Variants in NPNT observed in about 807,000 individuals in gnomAD.
NPNT encodes the protein preosteoblast EGF-like repeat protein with MAM domain.
NPNT carries 45 observed loss-of-function variants against 68.6 expected under a neutral mutation model. The observed-to-expected ratio is 0.66, with a 90% CI of 0.52 to 0.84. The LOEUF (loss-of-function observed/expected upper bound fraction) is 0.84. Among genes scored for constraint, NPNT ranks in the 40% least tolerant of loss-of-function variants. The pLI, the probability that NPNT is intolerant of heterozygous loss-of-function variation, is 0.00. For missense variants in NPNT, 672 were observed against 714.8 expected (o/e 0.94, Z 0.68); for synonymous variants, 233 against 253.3 (o/e 0.92, Z 0.76).
At chr4:105,900,410 A>G (rs1278754277) in intron 2 of NPNT, among the ~76,000 whole-genome samples, 1 of 152,160 alleles carries the variant, frequency 6.6e-6, no homozygotes, top group Non-Finnish European at 1.5e-5. Flanking sequence ...CCCTTTGGTG[A>G]GTGTTTATTC....
rs377507732 is a variant in NPNT at position 105,938,764 on chromosome 4, A to G, written c.505+344A>G. On this transcript the variant is annotated intron_variant, in intron 5 of 11. Transcript: ENST00000379987. Reference sequence around the variant, plus strand: ...CAATGAGTGATGAAGCTGAATAGCTAGATTGTATGTGTTGTTCTTCAGGCC... The same window carrying G: ...CAATGAGTGATGAAGCTGAATAGCTGGATTGTATGTGTTGTTCTTCAGGCC... 1.1e-4 allele frequency among the ~76,000 whole-genome samples: 17 copies of G among 152,332 alleles called. 1 individual carries two copies. The South Asian group carries it at 3.5e-3, about 32-fold the overall frequency.
intron 10 of NPNT, among the ~76,000 whole-genome samples, chr4:105,964,907 T>C (rs1253890135): frequency 6.6e-6 from 1 of 152,196 alleles, no homozygotes; most frequent in Non-Finnish European, 1.5e-5. Context: ...CATAGAAAAA[T>C]GGTTATACAA....
At chr4:105,961,027 A>G (rs1215462831) in intron 10 of NPNT, among the ~76,000 whole-genome samples, 1 of 152,122 alleles carries the variant, frequency 6.6e-6, no homozygotes, top group Non-Finnish European at 1.5e-5. Flanking sequence ...TATTGTGAAA[A>G]GTTGATCATG....
At chr4:105,943,059 T>C (rs189968835) in intron 8 of NPNT, among the ~76,000 whole-genome samples, 7 of 152,366 alleles carry the variant, frequency 4.6e-5, no homozygotes, top group Admixed American at 2.6e-4. Context: ...ATTCAGTCAG[T>C]GAACATTTTT....
chr4:105,899,986 TA>T (rs1464979163), intron 2 of NPNT, among the ~76,000 whole-genome samples: 2 of 152,240 alleles, frequency 1.3e-5, no homozygotes, highest in African/African-American at 4.8e-5. Flanking sequence ...TTGATTATTT[TA>T]AAGAAAGTCT....
chr4:105,954,910 T>C (rs1731098920), intron 8 of NPNT, among the ~76,000 whole-genome samples: 1 of 152,164 alleles, frequency 6.6e-6, no homozygotes, highest in African/African-American at 2.4e-5. Flanking sequence ...TGCCTTCACT[T>C]CTAGAATGTA....
At chr4:105,935,206 T>C (rs1729410219) in intron 3 of NPNT, among the ~76,000 whole-genome samples, 1 of 152,204 alleles carries the variant, frequency 6.6e-6, no homozygotes, top group Non-Finnish European at 1.5e-5. Context: ...GATATAGGTT[T>C]TGATTTTACT....
rs1725740882 is a variant in NPNT at position 105,895,521 on chromosome 4, G to C, written c.-132G>C. ...CGCCTCGCCGCTGTCCTCCGGGAGC[G>C]GCAGCAGTAGCCCGGGCGGCGAGGG... is the stretch of plus-strand genomic sequence containing the variant. On this transcript the variant is annotated 5_prime_UTR_variant, in exon 1 of 12. Coordinates refer to ENST00000379987, the MANE Select transcript of NPNT (RefSeq NM_001033047.3). 4.2e-6 allele frequency: 3 copies of C among 706,428 alleles called. No homozygotes were observed. Among genetic ancestry groups the C allele is most frequent in the East Asian group, 3.0e-5 (1 of 33,452 alleles). 43.8% of individuals were successfully genotyped at this position (706,428 alleles called of 1,614,324 possible). A position where few individuals can be genotyped will look rare whatever the true frequency, so the allele number is the denominator to read the frequency against.
chr4:105,940,478 T>G (rs1238791116), intron 6 of NPNT, 36 bp from the exon 7 acceptor site: 2 of 1,589,008 alleles, frequency 1.3e-6, no homozygotes, highest in Non-Finnish European at 1.7e-6. Flanking sequence ...ATTTATCTCC[T>G]AAATAAGTCT....
chr4:105,949,722 C>T (rs1360979417), intron 8 of NPNT, among the ~76,000 whole-genome samples: 1 of 152,126 alleles, frequency 6.6e-6, no homozygotes, highest in Admixed American at 6.5e-5. Context: ...AACTATTAAA[C>T]ATGTTTTATG....
At chr4:105,945,426 C>G (rs1317262565) in intron 8 of NPNT, among the ~76,000 whole-genome samples, 2 of 152,162 alleles carry the variant, frequency 1.3e-5, no homozygotes, top group African/African-American at 4.8e-5. Context: ...GTCTCAAACT[C>G]AACATGTATA....
rs1046177864 is a variant in NPNT at position 105,926,160 on chromosome 4, A to G, written c.173-1176A>G. Among the ~76,000 whole-genome samples the G allele has an allele frequency of 3.3e-5, 5 of 152,270 alleles. No homozygotes were observed. In the South Asian group the frequency reaches 1.0e-3, roughly 32 times the overall value. On this transcript the variant is annotated intron_variant, in intron 2 of 11. Coordinates refer to ENST00000379987, the MANE Select transcript of NPNT (RefSeq NM_001033047.3). ...TCAAGATTCAACATAAGCCTCCTCTATGAGGCTTTCTGCACGTATGTATAT... is the reference window on the plus strand; with the variant it reads ...TCAAGATTCAACATAAGCCTCCTCTGTGAGGCTTTCTGCACGTATGTATAT...
chr4:105,942,185 T>A (rs1730023490), intron 7 of NPNT, 122 bp from the exon 8 acceptor site: 2 of 650,954 alleles, frequency 3.1e-6, no homozygotes, highest in Non-Finnish European at 5.2e-6. Context: ...TTACAGTAGG[T>A]AATATTCTAA....
chr4:105,912,912 A>T (rs1727484428), intron 2 of NPNT, among the ~76,000 whole-genome samples: 1 of 152,152 alleles, frequency 6.6e-6, no homozygotes, highest in Non-Finnish European at 1.5e-5. Flanking sequence ...CTGTTGCCCA[A>T]GGTGGAGTGC....
intron 2 of NPNT, among the ~76,000 whole-genome samples, chr4:105,925,119 A>C (rs1253522337): frequency 1.3e-5 from 2 of 152,170 alleles, no homozygotes; most frequent in Non-Finnish European, 2.9e-5. Context: ...TTTAAACTGC[A>C]TATAAACCAT....
intron 8 of NPNT, among the ~76,000 whole-genome samples, chr4:105,956,852 G>T (rs967617183): frequency 6.6e-6 from 1 of 152,048 alleles, no homozygotes; most frequent in African/African-American, 2.4e-5. Flanking sequence ...GCCCAGCTGG[G>T]TATATTGCAA....
chr4:105,897,975 C>G lies in NPNT; in HGVS notation c.146C>G (p.Ala49Gly). 1 of 1,611,932 alleles carries G rather than the reference C, an allele frequency of 6.2e-7. No individual in the cohort carries two copies. Among genetic ancestry groups the G allele is most frequent in the Non-Finnish European group, 8.5e-7 (1 of 1,179,100 alleles). The change falls in exon 2 of 12, where the codon GCT becomes GGT. Residue 49 changes from alanine (A) to glycine (G), a missense_variant. By Grantham distance (60) the Ala-to-Gly change is moderately conservative (BLOSUM62 0). Coordinates refer to ENST00000379987, the MANE Select transcript of NPNT (RefSeq NM_001033047.3). Reference sequence around the variant, plus strand: ...AGGATTGACTGCTGCTGGGGCTGGGCTCGCCAGTCTTGGGGACAGTGTCAG... The same window carrying G: ...AGGATTGACTGCTGCTGGGGCTGGGGTCGCCAGTCTTGGGGACAGTGTCAG... ...GGRIDCCWGW[A>G]RQSWGQCQPV...
rs377168528 is a variant in NPNT, at chr4:105,968,938, T to C, written c.1646T>C (p.Ile549Thr). 4.3e-6 allele frequency: 7 copies of C among 1,613,462 alleles called. No individual in the cohort carries two copies. Among genetic ancestry groups the C allele is most frequent in the South Asian group, 2.2e-5 (2 of 91,040 alleles). ...AAAAGGCGTGGTCACACTGGGGAGA[T>C]TGGATTAGATGATGTGAGCTTGAAA... ...GEKRRGHTGE[I>T]GLDDVSLKKG... The change falls in exon 12 of 12, where the codon ATT (isoleucine) becomes ACT (threonine). Residue 549 changes from isoleucine (I) to threonine (T), a missense_variant. Transcript: ENST00000379987.
At chr4:105,929,889 T>C (rs1728977907) in intron 3 of NPNT, among the ~76,000 whole-genome samples, 1 of 152,194 alleles carries the variant, frequency 6.6e-6, no homozygotes, top group Non-Finnish European at 1.5e-5. Context: ...CAGTTTAACA[T>C]GTACTTTTTT....
Sources: allele counts gnomAD v4.1 joint callset (sites outside exome capture counted in the v4.1 genomes callset), GRCh38; gene constraint gnomAD v4.1.1; transcripts MANE v1.5; gene names NCBI Gene and HGNC (gene_info 2026-07-23, HGNC 2026-07-21).